Variants in SLC24A3 observed in about 807,000 individuals in gnomAD.
SLC24A3 encodes the protein solute carrier family 24 member 3, also known as sodium/potassium/calcium exchanger 3.
A neutral mutation model predicts 75.8 loss-of-function variants in SLC24A3; 28 were observed. The ratio of observed to expected loss-of-function variants is 0.37; its 90% CI spans 0.27 to 0.51. The LOEUF is 0.51. Among genes scored for constraint, SLC24A3 ranks in the 20% least tolerant of loss-of-function variants. SLC24A3 has a pLI of 0.94. For missense variants in SLC24A3, 663 were observed against 847.8 expected, an observed-to-expected ratio of 0.78 and a Z score of 2.71; for synonymous variants, 372 against 334.1, an observed-to-expected ratio of 1.11 and a Z score of -1.24.
chr20:19,386,610 G>GT (rs1035722563), intron 2 of SLC24A3, among the ~76,000 whole-genome samples: 7 of 152,116 alleles, frequency 4.6e-5, no homozygotes, highest in African/African-American at 1.7e-4. Flanking sequence ...TTTTCTGGGA[G>GT]TTTTTATTAT....
chr20:19,673,147 G>A (rs2032488202), intron 8 of SLC24A3, among the ~76,000 whole-genome samples: 1 of 152,236 alleles, frequency 6.6e-6, no homozygotes, highest in Non-Finnish European at 1.5e-5. Context: ...CTGTCTGTCT[G>A]CCTGCCTCTC....
chr20:19,260,728 C>G (rs1164701195), intron 1 of SLC24A3, among the ~76,000 whole-genome samples: 1 of 152,182 alleles, frequency 6.6e-6, no homozygotes, highest in Admixed American at 6.5e-5. Context: ...AGACTGCTGT[C>G]CTCCTCTGCC....
chr20:19,263,261 G>C (rs1042344160), intron 1 of SLC24A3, among the ~76,000 whole-genome samples: 1 of 152,136 alleles, frequency 6.6e-6, no homozygotes, highest in African/African-American at 2.4e-5. Context: ...ATGTGGGCTG[G>C]AGAGAAGGAA....
chr20:19,379,906 G>C (rs13043939), intron 2 of SLC24A3, among the ~76,000 whole-genome samples: 1 of 152,152 alleles, frequency 6.6e-6, no homozygotes, highest in South Asian at 2.1e-4. Flanking sequence ...CTATGACCCA[G>C]ACATAGGCTG....
At chr20:19,695,003 A>C (rs926581037) in intron 13 of SLC24A3, 2 of 152,300 alleles carry the variant, frequency 1.3e-5, no homozygotes, top group Non-Finnish European at 2.9e-5. Flanking sequence ...AAATAGAAAC[A>C]GCGTGTGTTT....
intron 12 of SLC24A3, 159 bp from the exon 13 acceptor site, chr20:19,693,100 T>C: frequency 1.3e-6 from 1 of 780,384 alleles, no homozygotes; most frequent in East Asian, 2.8e-5. Flanking sequence ...GTTTCGTTGG[T>C]GATGGAAAGT....
chr20:19,501,862 C>G (rs1014995965), intron 2 of SLC24A3, among the ~76,000 whole-genome samples: 5 of 152,152 alleles, frequency 3.3e-5, no homozygotes, highest in Admixed American at 2.6e-4. Context: ...GTCAGCCCAT[C>G]CCAACAACCT....
intron 1 of SLC24A3, among the ~76,000 whole-genome samples, chr20:19,262,450 A>C (rs2122197077): frequency 6.6e-6 from 1 of 151,330 alleles, no homozygotes; most frequent in East Asian, 1.9e-4. Context: ...ATAGGACATC[A>C]GTAGCTCTCT....
Position 19,546,356 on chromosome 20 carries a change from C to G in SLC24A3, c.348+30792C>G, listed in dbSNP as rs117329462. Among the ~76,000 whole-genome samples the G allele has an allele frequency of 3.4e-4, 51 of 152,184 alleles. No individual in the cohort carries two copies. The East Asian group carries it at 8.7e-3, about 26-fold the overall frequency. On this transcript the variant is annotated intron_variant, in intron 3 of 16. Coordinates refer to ENST00000328041, the MANE Select transcript of SLC24A3 (RefSeq NM_020689.4). ...TGAGACAAGGCTTTGCAGTGACTGC[C>G]AGAAACTAGGCCACATTCCTGTGAC...
intron 15 of SLC24A3, among the ~76,000 whole-genome samples, chr20:19,701,220 C>T (rs1483245002): frequency 1.3e-5 from 2 of 152,090 alleles, no homozygotes; most frequent in African/African-American, 2.4e-5. Context: ...ATGTTTAGCT[C>T]TTCCATGGCC....
At chr20:19,397,691 A>G (rs1986481553) in intron 2 of SLC24A3, among the ~76,000 whole-genome samples, 1 of 149,204 alleles carries the variant, frequency 6.7e-6, no homozygotes, top group African/African-American at 2.5e-5. Flanking sequence ...ACAGATAAAG[A>G]AAACAAGGTA....
intron 6 of SLC24A3, among the ~76,000 whole-genome samples, chr20:19,605,516 A>G (rs1226720704): frequency 6.6e-6 from 1 of 152,222 alleles, no homozygotes; most frequent in Non-Finnish European, 1.5e-5. Context: ...CTTAGAATAT[A>G]TATTGGCTGC....
At chr20:19,527,864 G>T (rs1042140884) in intron 3 of SLC24A3, among the ~76,000 whole-genome samples, 1 of 152,168 alleles carries the variant, frequency 6.6e-6, no homozygotes, top group Non-Finnish European at 1.5e-5. Context: ...TATCTACTGA[G>T]ATTTTATTTC....
At chr20:19,394,883 T>C (rs1460236780) in intron 2 of SLC24A3, among the ~76,000 whole-genome samples, 2 of 152,170 alleles carry the variant, frequency 1.3e-5, no homozygotes, top group East Asian at 1.9e-4. Context: ...GCCTGAAGGA[T>C]TGAAAGCAGA....
rs556498434 is a variant in SLC24A3 at position 19,496,899 on chromosome 20, A to T, written c.272-18589A>T. 2.1e-4 allele frequency among the ~76,000 whole-genome samples: 32 copies of T among 152,286 alleles called. 1 individual carries two copies. Among genetic ancestry groups the T allele is most frequent in the South Asian group, 2.1e-4 (1 of 4,826 alleles). ...ACTTTCAGAGGAGTTTGTGGGAGCAATAACAGCACCAGGCCTGTTCTTCCC... is the reference window on the plus strand; with the variant it reads ...ACTTTCAGAGGAGTTTGTGGGAGCATTAACAGCACCAGGCCTGTTCTTCCC... On this transcript the variant is annotated intron_variant, in intron 2 of 16. Coordinates refer to ENST00000328041, the MANE Select transcript of SLC24A3 (RefSeq NM_020689.4).
chr20:19,508,678 G>A (rs776624196), intron 2 of SLC24A3, among the ~76,000 whole-genome samples: 24 of 152,302 alleles, frequency 1.6e-4, no homozygotes, highest in Non-Finnish European at 3.1e-4. Flanking sequence ...GAACAGCACC[G>A]CTTGCTTCTG....
chr20:19,358,633 T>C (rs959247284), intron 2 of SLC24A3, among the ~76,000 whole-genome samples: 1 of 152,214 alleles, frequency 6.6e-6, no homozygotes, highest in Non-Finnish European at 1.5e-5. Context: ...GTGTAAAGTA[T>C]GCATAATGTA....
chr20:19,475,844 T>A (rs1185876859), intron 2 of SLC24A3, among the ~76,000 whole-genome samples: 5 of 152,210 alleles, frequency 3.3e-5, no homozygotes, highest in Non-Finnish European at 4.4e-5. Context: ...AAAGAAACAT[T>A]TTCTTCCTAC....
Position 19,398,705 on chromosome 20 carries a change from T to G in SLC24A3, c.272-116783T>G, listed in dbSNP as rs549186551. Among the ~76,000 whole-genome samples, 3 of 152,324 alleles carry G rather than the reference T, an allele frequency of 2.0e-5. No homozygotes were observed. In the East Asian group the frequency reaches 5.8e-4, roughly 29 times the overall value. ...CTTGTCTTATTGCACTGGCTAGAAC[T>G]TCTGTAATTTTGAACAGAAGTGAGG... On this transcript the variant is annotated intron_variant, in intron 2 of 16. Transcript: ENST00000328041.
Sources: allele counts gnomAD v4.1 joint callset (sites outside exome capture counted in the v4.1 genomes callset), GRCh38; gene constraint gnomAD v4.1.1; transcripts MANE v1.5; gene names NCBI Gene and HGNC (gene_info 2026-07-23, HGNC 2026-07-21).